The following QSOX1 variants were observed in gnomAD, a reference collection of about 807,000 sequenced individuals.
QSOX1 encodes the protein sulfhydryl oxidase 1.
In QSOX1, 40 loss-of-function variants were observed where a neutral mutation model predicts 76.1. The observed-to-expected ratio is 0.53, with a 90% CI of 0.41 to 0.68. The LOEUF is 0.68. Ranked by LOEUF, QSOX1 falls within the 30% of genes least tolerant of loss-of-function variation. The probability of loss-of-function intolerance (pLI) is 0.00; values close to 1 mark genes in which losing one functional copy is unlikely to be tolerated. For synonymous variants in QSOX1, 392 were observed against 413.1 expected (o/e 0.95, Z 0.62); for missense variants, 931 against 974.3 (o/e 0.96, Z 0.59).
At chr1:180,194,995 C>CGGG (rs772916868) in intron 11 of QSOX1, among the ~76,000 whole-genome samples, 36 of 133,162 alleles carry the variant, frequency 2.7e-4, no homozygotes, top group Middle Eastern at 4.2e-3. Context: ...TGACAGCCTC[C>CGGG]CGGGGGGGGG....
At position 180,178,776 on chromosome 1, in the gene QSOX1, C is replaced by G; in HGVS notation, c.516-18C>G. The G allele has an allele frequency of 6.8e-6, 11 of 1,607,746 alleles. No homozygotes were observed. Among genetic ancestry groups the G allele is most frequent in the Non-Finnish European group, 9.4e-6 (11 of 1,174,266 alleles). Reference sequence around the variant, plus strand: ...TCTGCTGGCTGTGCAGAGTGACTGCCAGAATTGTCTCTTGCAGGCTGGAGG... The same window carrying G: ...TCTGCTGGCTGTGCAGAGTGACTGCGAGAATTGTCTCTTGCAGGCTGGAGG... On this transcript the variant is annotated intron_variant, in intron 4 of 11. Coordinates refer to ENST00000367602, the MANE Select transcript of QSOX1 (RefSeq NM_002826.5).
intron 1 of QSOX1, among the ~76,000 whole-genome samples, chr1:180,155,571 C>G (rs1167732748): frequency 2.6e-5 from 4 of 152,188 alleles, no homozygotes; most frequent in African/African-American, 9.7e-5. Context: ...GTCCAGGGAC[C>G]CATGTCATCT....
At chr1:180,175,621 A>G (rs1223901982) in intron 3 of QSOX1, among the ~76,000 whole-genome samples, 1 of 152,164 alleles carries the variant, frequency 6.6e-6, no homozygotes, top group Non-Finnish European at 1.5e-5. Flanking sequence ...ATGTTCCCAG[A>G]AGAGCTCTTC....
intron 6 of QSOX1, among the ~76,000 whole-genome samples, chr1:180,183,640 TG>T (rs1362173131): frequency 6.6e-6 from 1 of 152,150 alleles, no homozygotes; most frequent in Non-Finnish European, 1.5e-5. Flanking sequence ...AGAGGGCCAC[TG>T]GGGGAATTCT....
chr1:180,166,451 C>T, intron 1 of QSOX1, 40 bp from the exon 2 acceptor site: 1 of 1,517,364 alleles, frequency 6.6e-7, no homozygotes. Flanking sequence ...GAGGGGGTAC[C>T]AGCCCCTCTT....
chr1:180,172,558 C>T (rs1290723882), intron 2 of QSOX1, among the ~76,000 whole-genome samples: 9 of 152,242 alleles, frequency 5.9e-5, no homozygotes, highest in East Asian at 1.9e-4. Context: ...CTCTCTCTGT[C>T]GCCCAGGCTG....
At position 180,198,048 on chromosome 1, in the gene QSOX1, C is replaced by A. The variant is rs1187533802; in HGVS notation, c.*1011C>A. On this transcript the variant is annotated 3_prime_UTR_variant, in exon 12 of 12. Coordinates refer to ENST00000367602, the MANE Select transcript of QSOX1 (RefSeq NM_002826.5). ...TTGTTAAGGCAAGCATTGGTGTGTT[C>A]TTTAACTTGCTACTTGGAGACCTAG... is the stretch of plus-strand genomic sequence containing the variant. The A allele has an allele frequency of 2.5e-6, 1 of 392,994 alleles. No individual in the cohort carries two copies. The highest frequency in any genetic ancestry group is 2.1e-5 in the African/African-American group (1 of 48,328). The allele number at this position is 392,994 out of a possible 1,614,324, so 24.3% of individuals were successfully genotyped here. A position where few individuals can be genotyped will look rare whatever the true frequency, so the allele number is the denominator to read the frequency against.
intron 5 of QSOX1, 109 bp from the exon 6 acceptor site, chr1:180,182,065 A>G: frequency 9.0e-7 from 1 of 1,112,460 alleles, no homozygotes; most frequent in African/African-American, 1.6e-5. Context: ...TAGAGTCTGG[A>G]AGGAGCACAG....
chr1:180,171,033 A>T (rs1662747654), intron 2 of QSOX1, among the ~76,000 whole-genome samples: 1 of 152,202 alleles, frequency 6.6e-6, no homozygotes, highest in Non-Finnish European at 1.5e-5. Flanking sequence ...GAGTTTGGAC[A>T]TTATTCATTG....
In QSOX1 at chr1:180,203,092, T is replaced by A. The variant is rs1181528426; in HGVS notation, c.*6055T>A. The A allele has an allele frequency of 3.3e-5, 5 of 151,250 alleles. No individual in the cohort carries two copies. Among genetic ancestry groups the A allele is most frequent in the Non-Finnish European group, 5.9e-5 (4 of 67,856 alleles). The allele number at this position is 151,250 out of a possible 1,614,324, so 9.4% of individuals were successfully genotyped here. A position where few individuals can be genotyped will look rare whatever the true frequency, so the allele number is the denominator to read the frequency against. On this transcript the variant is annotated 3_prime_UTR_variant, in exon 12 of 12. Coordinates refer to ENST00000367602, the MANE Select transcript of QSOX1 (RefSeq NM_002826.5). The stretch of plus-strand genomic sequence containing the variant: ...TCTCAAAAAAATAAAAAAATAAAAA[T>A]AAAAAAATAAAGTAAAGCTACATAT...
At chr1:180,173,161 T>C (rs1662802315) in intron 2 of QSOX1, among the ~76,000 whole-genome samples, 1 of 152,086 alleles carries the variant, frequency 6.6e-6, no homozygotes, top group African/African-American at 2.4e-5. Context: ...GGGGCCTCAC[T>C]GTGTTGCCTA....
chr1:180,189,704 C>T (rs1663261612), intron 9 of QSOX1, 30 bp downstream of exon 9: 2 of 1,605,128 alleles, frequency 1.2e-6, no homozygotes, highest in South Asian at 1.1e-5. Context: ...AAAGATCTCT[C>T]CATCCTCCGT....
intron 1 of QSOX1, among the ~76,000 whole-genome samples, chr1:180,164,078 G>A (rs578210005): frequency 1.4e-4 from 21 of 152,336 alleles, no homozygotes; most frequent in African/African-American, 5.1e-4. Context: ...TGGACAGGAT[G>A]TGGAGGCAGG....
chr1:180,183,677 G>A (rs1000689665), intron 6 of QSOX1, among the ~76,000 whole-genome samples: 2 of 152,218 alleles, frequency 1.3e-5, no homozygotes, highest in Non-Finnish European at 2.9e-5. Context: ...TACCAGGTGA[G>A]GTTTGACATC....
intron 4 of QSOX1, 29 bp from the exon 5 acceptor site, chr1:180,178,765 A>G (rs763206140): frequency 6.3e-5 from 101 of 1,596,832 alleles, no homozygotes; most frequent in Admixed American, 2.2e-4. Flanking sequence ...CTGGCTGTGC[A>G]GAGTGACTGC....
chr1:180,194,374 G>A lies in QSOX1; in HGVS notation c.1450G>A (p.Val484Ile). 8 of 1,560,922 alleles carry A rather than the reference G, an allele frequency of 5.1e-6. No individual in the cohort carries two copies. The highest frequency in any genetic ancestry group is 2.3e-5 in the East Asian group (1 of 42,990). Residue 484 changes from valine to isoleucine, a missense_variant, in exon 11 of 12, where the codon GTC becomes ATC. Physicochemically the swap from Val to Ile is conservative, Grantham distance 29. Transcript: ENST00000367602. ...VLWLWSSHNR[V>I]NARLAGAPSE... ...CTGGCTCTGGTCTAGCCACAACAGG[G>A]TCAATGCTCGCCTTGCAGGTAAGGA...
rs1027619490 is a variant in QSOX1, at chr1:180,173,160, C to T, written c.367-2161C>T. On this transcript the variant is annotated intron_variant, in intron 2 of 11. Transcript: ENST00000367602. ...AACTTTTTGTAGAGATGGGGCCTCA[C>T]TGTGTTGCCTAGGGTGGTCTTGAAC... Among the ~76,000 whole-genome samples the T allele has an allele frequency of 5.9e-5, 9 of 152,210 alleles. No homozygotes were observed. In the East Asian group the frequency reaches 1.5e-3, roughly 26 times the overall value.
At chr1:180,169,546 G>A (rs1368201546) in intron 2 of QSOX1, among the ~76,000 whole-genome samples, 2 of 152,346 alleles carry the variant, frequency 1.3e-5, no homozygotes, top group African/African-American at 2.4e-5. Context: ...TAAGAGGACC[G>A]TTGCCAAGTG....
At chr1:180,175,715 C>T (rs145145687) in intron 3 of QSOX1, among the ~76,000 whole-genome samples, 46 of 152,284 alleles carry the variant, frequency 3.0e-4, no homozygotes, top group Admixed American at 4.6e-4. Context: ...GGGATTCTTT[C>T]CTGTCTGAGG....
Sources: allele counts gnomAD v4.1 joint callset (sites outside exome capture counted in the v4.1 genomes callset), GRCh38; gene constraint gnomAD v4.1.1; transcripts MANE v1.5; gene names NCBI Gene and HGNC (gene_info 2026-07-23, HGNC 2026-07-21).